The following VPS13A variants were observed in gnomAD, a reference collection of about 807,000 sequenced individuals.
VPS13A encodes intermembrane lipid transfer protein VPS13A.
Under a neutral mutation model 390.9 loss-of-function variants are expected in VPS13A, and 264 were observed. That is an observed-to-expected ratio of 0.68 (90% confidence interval 0.61 to 0.75). The LOEUF (loss-of-function observed/expected upper bound fraction) is 0.75, where lower values mean the gene tolerates loss of function less well. VPS13A is among the 30% of genes least tolerant of loss of function. The pLI is 0.00. For missense variants in VPS13A, 3,409 were observed against 3,733.9 expected (o/e 0.91, Z 2.27); for synonymous variants, 1,231 against 1,227.1 (o/e 1.00, Z -0.07).
intron 67 of VPS13A, among the ~76,000 whole-genome samples, chr9:77,375,017 A>G (rs547479566): frequency 2.0e-5 from 3 of 152,258 alleles, no homozygotes; most frequent in Admixed American, 1.3e-4. Flanking sequence ...AGGTGGGGGA[A>G]AAAGGAATCA....
intron 23 of VPS13A, among the ~76,000 whole-genome samples, chr9:77,263,355 C>T (rs1825862620): frequency 6.6e-6 from 1 of 152,102 alleles, no homozygotes; most frequent in African/African-American, 2.4e-5. Flanking sequence ...GATCTGCCTG[C>T]CTCTGCCTCC....
chr9:77,206,755 C>T (rs1231009913), intron 5 of VPS13A, among the ~76,000 whole-genome samples: 2 of 152,078 alleles, frequency 1.3e-5, no homozygotes, highest in Admixed American at 1.3e-4. Context: ...TTAACCTAGT[C>T]ATCTGTTTAT....
At chr9:77,228,049 T>G in intron 16 of VPS13A, 73 bp from the exon 17 acceptor site, 1 of 1,135,158 alleles carries the variant, frequency 8.8e-7, no homozygotes, top group Non-Finnish European at 1.2e-6. Context: ...TTGAAATGAA[T>G]GTACTATAAG....
intron 68 of VPS13A, among the ~76,000 whole-genome samples, chr9:77,398,132 A>G (rs2131639035): frequency 6.6e-6 from 1 of 152,308 alleles, no homozygotes; most frequent in East Asian, 1.9e-4. Flanking sequence ...ATGGAGGAAG[A>G]TAGGATTTTT....
At chr9:77,248,405 A>G (rs971272186) in intron 20 of VPS13A, among the ~76,000 whole-genome samples, 9 of 151,668 alleles carry the variant, frequency 5.9e-5, no homozygotes, top group African/African-American at 2.2e-4. Context: ...TTTTTAGTAG[A>G]GACTGGGTTT....
intron 42 of VPS13A, 40 bp from the exon 43 acceptor site, chr9:77,321,129 T>C (rs1285195444): frequency 6.4e-7 from 1 of 1,571,800 alleles, no homozygotes; most frequent in East Asian, 2.3e-5. Flanking sequence ...TGTTGTGTTC[T>C]TAGAATTTTT....
At chr9:77,301,997 G>C (rs867572557) in intron 33 of VPS13A, among the ~76,000 whole-genome samples, 1 of 146,062 alleles carries the variant, frequency 6.8e-6, no homozygotes, top group Admixed American at 6.9e-5. Context: ...TACTCTTGTT[G>C]CCCAGGCTGG....
chr9:77,282,337 T>A lies in VPS13A; in HGVS notation c.3118+63T>A, dbSNP rs1287444194. The A allele has an allele frequency of 4.8e-6, 7 of 1,447,660 alleles. No homozygotes were observed. In the Admixed American group the frequency reaches 1.4e-4, roughly 28 times the overall value. 89.7% of individuals were successfully genotyped at this position (1,447,660 alleles called of 1,614,324 possible). A position where few individuals can be genotyped will look rare whatever the true frequency, so the allele number is the denominator to read the frequency against. ...TTTTAACCATGTAGGTCAATAAATC[T>A]AGACCCTGACTTTATTATTAACTTC... On this transcript the variant is annotated intron_variant, in intron 29 of 71. Coordinates refer to ENST00000360280, the MANE Select transcript of VPS13A (RefSeq NM_033305.3).
intron 24 of VPS13A, among the ~76,000 whole-genome samples, chr9:77,274,979 T>C (rs1323571592): frequency 6.6e-6 from 1 of 152,182 alleles, no homozygotes; most frequent in East Asian, 1.9e-4. Context: ...GTATTACATA[T>C]CAACGTATAT....
intron 45 of VPS13A, among the ~76,000 whole-genome samples, chr9:77,324,668 A>C (rs560849507): frequency 6.6e-6 from 1 of 152,172 alleles, no homozygotes; most frequent in African/African-American, 2.4e-5. Context: ...ATTGGTCTAG[A>C]GTTTCAATGT....
rs1057515661 is a variant in VPS13A at position 77,416,087 on chromosome 9, A to G, written c.*81A>G. The G allele has an allele frequency of 9.3e-6, 14 of 1,505,872 alleles. No individual in the cohort carries two copies. The highest frequency in any genetic ancestry group is 4.5e-5 in the East Asian group (2 of 44,170). 93.3% of individuals were successfully genotyped at this position (1,505,872 alleles called of 1,614,324 possible). ...CTTCCAAAACCTGTTTGGGAAGCATATTACAGAAATGATTTCAAGTACCCT... is the reference window on the plus strand; with the variant it reads ...CTTCCAAAACCTGTTTGGGAAGCATGTTACAGAAATGATTTCAAGTACCCT... On this transcript the variant is annotated 3_prime_UTR_variant, in exon 72 of 72. Transcript: ENST00000360280.
At chr9:77,279,395 C>A (rs1222762038) in intron 26 of VPS13A, among the ~76,000 whole-genome samples, 1 of 152,108 alleles carries the variant, frequency 6.6e-6, no homozygotes, top group Non-Finnish European at 1.5e-5. Flanking sequence ...TTCTGCCATG[C>A]TGCCCTGCCA....
chr9:77,339,861 A>C lies in VPS13A; in HGVS notation c.6724A>C (p.Lys2242Gln). 1 of 1,613,578 alleles carries C rather than the reference A, an allele frequency of 6.2e-7. No homozygotes were observed. The highest frequency in any genetic ancestry group is 8.5e-7 in the Non-Finnish European group (1 of 1,179,926). ...TCGAAAGCATCCACCTAATTATAAAAAGCCAGTTCTCTTTTCTTTTCAGCC... is the reference window on the plus strand; with the variant it reads ...TCGAAAGCATCCACCTAATTATAAACAGCCAGTTCTCTTTTCTTTTCAGCC... ...IHRKHPPNYK[K>Q]PVLFSFQPNH... The change falls in exon 48 of 72, where the codon AAG becomes CAG. Residue 2242 changes from lysine to glutamine, a missense_variant. Physicochemically the swap from Lys to Gln is moderately conservative, Grantham distance 53. Coordinates refer to ENST00000360280, the MANE Select transcript of VPS13A (RefSeq NM_033305.3).
At chr9:77,299,055 G>A (rs1828180618) in intron 33 of VPS13A, among the ~76,000 whole-genome samples, 1 of 152,152 alleles carries the variant, frequency 6.6e-6, no homozygotes, top group Non-Finnish European at 1.5e-5. Flanking sequence ...GTTTGTCAAA[G>A]ATCAGATGGT....
chr9:77,220,468 G>A, intron 12 of VPS13A, 85 bp downstream of exon 12: 1 of 940,678 alleles, frequency 1.1e-6, no homozygotes. Context: ...TAATCTTTAA[G>A]ATATACCATT....
chr9:77,370,666 C>G, intron 65 of VPS13A, 88 bp downstream of exon 65: 1 of 1,563,222 alleles, frequency 6.4e-7, no homozygotes, highest in Non-Finnish European at 8.8e-7. Context: ...ACATGATTCT[C>G]ACTCCTTAAA....
intron 33 of VPS13A, among the ~76,000 whole-genome samples, chr9:77,301,903 A>T (rs190164830): frequency 1.3e-5 from 2 of 152,288 alleles, no homozygotes; most frequent in African/African-American, 4.8e-5. Flanking sequence ...AGTGAGTTAA[A>T]ATGTTTTTAT....
chr9:77,223,114 A>G (rs887451321), intron 13 of VPS13A, among the ~76,000 whole-genome samples: 52 of 152,070 alleles, frequency 3.4e-4, no homozygotes, highest in African/African-American at 1.2e-3. Context: ...CCAATTTGCA[A>G]ATTGTTCATT....
chr9:77,407,938 C>T lies in VPS13A; in HGVS notation c.9474+331C>T, dbSNP rs566494523. Among the ~76,000 whole-genome samples, 11 of 152,286 alleles carry T rather than the reference C, an allele frequency of 7.2e-5. No homozygotes were observed. In the East Asian group the frequency reaches 2.1e-3, roughly 29 times the overall value. ...TTTAGTGTTAATCCATCAGCTCCAA[C>T]AGGAAAGTGTAGCCCCACATTGTTG... On this transcript the variant is annotated intron_variant, in intron 71 of 71. Transcript: ENST00000360280.
Sources: gnomAD v4.1 joint callset for allele counts (sites outside exome capture counted in the v4.1 genomes callset) on GRCh38, gnomAD v4.1.1 for gene constraint, MANE v1.5 for transcripts, NCBI Gene and HGNC (gene_info 2026-07-23, HGNC 2026-07-21) for gene names.